SVIL: variants seen among roughly 807,000 people sequenced by gnomAD.
The protein encoded by SVIL is archvillin.
SVIL carries 101 observed loss-of-function variants against 240.4 expected under a neutral mutation model. The ratio of observed to expected loss-of-function variants is 0.42; its 90% CI spans 0.36 to 0.50. SVIL has a LOEUF of 0.50. Among genes scored for constraint, SVIL ranks in the 20% least tolerant of loss-of-function variants. The pLI is 0.01. For synonymous variants in SVIL, 999 were observed against 1,100.0 expected, an observed-to-expected ratio of 0.91 and a Z score of 1.82; for missense variants, 2,512 against 2,818.7, an observed-to-expected ratio of 0.89 and a Z score of 2.46.
chr10:29,524,392 A>G lies in SVIL; in HGVS notation c.2586+80T>C. 3 of 1,581,400 alleles carry G rather than the reference A, an allele frequency of 1.9e-6. No individual in the cohort carries two copies. The South Asian group carries it at 3.4e-5, about 18-fold the overall frequency. On this transcript the variant is annotated intron_variant, in intron 14 of 37. Coordinates refer to ENST00000355867, the MANE Select transcript of SVIL (RefSeq NM_021738.3). ...CCTGGTAGAGCACCTTAATTACATC[A>G]TTGACCTCAGAGGAATACTGCAGTG... is the stretch of plus-strand genomic sequence containing the variant.
intron 3 of SVIL, among the ~76,000 whole-genome samples, chr10:29,656,857 G>T (rs1959022338): frequency 6.6e-6 from 1 of 152,204 alleles, no homozygotes; most frequent in Non-Finnish European, 1.5e-5. Flanking sequence ...GCAGGACCCA[G>T]ATTGAACCCC....
chr10:29,545,182 T>C, intron 6 of SVIL: 1 of 496,674 alleles, frequency 2.0e-6, no homozygotes, highest in East Asian at 5.6e-5. Flanking sequence ...TAGACTAAAA[T>C]CTCTCATCAG....
chr10:29,603,035 C>A (rs1956874998), intron 1 of SVIL, among the ~76,000 whole-genome samples: 1 of 152,096 alleles, frequency 6.6e-6, no homozygotes, highest in South Asian at 2.1e-4. Flanking sequence ...TCGTTTCATG[C>A]CCAGGAAGAT....
intron 1 of SVIL, among the ~76,000 whole-genome samples, chr10:29,632,140 T>G (rs1302418371): frequency 6.6e-6 from 1 of 152,046 alleles, no homozygotes; most frequent in Non-Finnish European, 1.5e-5. Flanking sequence ...TCACCAGACA[T>G]CCTTATAAAA....
chr10:29,509,199 G>A (rs558276372), intron 17 of SVIL, among the ~76,000 whole-genome samples: 31 of 152,122 alleles, frequency 2.0e-4, no homozygotes, highest in Admixed American at 6.5e-4. Context: ...TATATGCTAC[G>A]AGACTCACAC....
chr10:29,569,191 A>T, intron 2 of SVIL, 64 bp downstream of exon 2: 1 of 785,174 alleles, frequency 1.3e-6, no homozygotes, highest in Non-Finnish European at 1.5e-6. Flanking sequence ...CATTCAAGAG[A>T]ATAATTTTAA....
chr10:29,490,692 G>A (rs372262009), intron 22 of SVIL, among the ~76,000 whole-genome samples, 155 bp downstream of exon 22: 3 of 152,042 alleles, frequency 2.0e-5, no homozygotes, highest in South Asian at 4.1e-4. Flanking sequence ...GTCTAGGTGC[G>A]TGCACATGTA....
chr10:29,467,700 C>G, intron 33 of SVIL, 42 bp downstream of exon 33: 1 of 1,611,354 alleles, frequency 6.2e-7, no homozygotes, highest in Non-Finnish European at 8.5e-7. Flanking sequence ...TTTCCAAAAA[C>G]AAACAAAAAA....
intron 1 of SVIL, among the ~76,000 whole-genome samples, chr10:29,574,368 T>C (rs1955591541): frequency 6.6e-6 from 1 of 152,074 alleles, no homozygotes; most frequent in Non-Finnish European, 1.5e-5. Flanking sequence ...CACCACACCA[T>C]GGTACATATG....
chr10:29,509,317 G>A (rs1238303470), intron 17 of SVIL, among the ~76,000 whole-genome samples: 2 of 132,028 alleles, frequency 1.5e-5, no homozygotes, highest in Non-Finnish European at 3.3e-5. Context: ...GAGAAAGGGA[G>A]AAGGAGGGGG....
Position 29,532,681 on chromosome 10 carries a change from A to G in SVIL, c.1686T>C (p.Tyr562=), listed in dbSNP as rs766580842. Residue 562 remains tyrosine (Y), a synonymous_variant, in exon 8 of 38, where the codon TAT becomes TAC. Coordinates refer to ENST00000355867, the MANE Select transcript of SVIL (RefSeq NM_021738.3). ...GCTCTCTCCTGGAAGCTGGGTCCTT[A>G]TACTTCAAGGCCTGGAGCTGAGGGG... ...TGPPQLQALK[Y]KDPASRRELE... is the part of the protein sequence containing the mutation. 11 of 1,614,080 alleles carry G rather than the reference A, an allele frequency of 6.8e-6. No homozygotes were observed. The highest frequency in any genetic ancestry group is 9.3e-6 in the Non-Finnish European group (11 of 1,180,030).
chr10:29,657,364 T>C (rs1025749542), intron 3 of SVIL, among the ~76,000 whole-genome samples: 2 of 152,152 alleles, frequency 1.3e-5, no homozygotes, highest in Non-Finnish European at 2.9e-5. Context: ...CTCACACCCA[T>C]CAAGATTCAC....
intron 12 of SVIL, among the ~76,000 whole-genome samples, chr10:29,528,926 C>T (rs1057485261): frequency 1.3e-5 from 2 of 151,590 alleles, no homozygotes; most frequent in African/African-American, 4.8e-5. Context: ...GCAATTAATC[C>T]CAGCACTTTG....
chr10:29,722,559 T>C (rs1964054743), intron 1 of SVIL, among the ~76,000 whole-genome samples: 1 of 152,188 alleles, frequency 6.6e-6, no homozygotes, highest in African/African-American at 2.4e-5. Context: ...TAGAATCCTT[T>C]CCAATTCAGC....
At chr10:29,490,210 G>C (rs1303044196) in intron 22 of SVIL, among the ~76,000 whole-genome samples, 3 of 151,944 alleles carry the variant, frequency 2.0e-5, no homozygotes, top group Non-Finnish European at 4.4e-5. Flanking sequence ...TACCAAGAAC[G>C]ATCTGAAAAG....
At chr10:29,550,357 G>C (rs1360392716) in intron 6 of SVIL, among the ~76,000 whole-genome samples, 1 of 151,710 alleles carries the variant, frequency 6.6e-6, no homozygotes, top group Non-Finnish European at 1.5e-5. Flanking sequence ...CAGGAGGATT[G>C]CTTGAGCCCA....
intron 2 of SVIL, among the ~76,000 whole-genome samples, chr10:29,684,883 A>G (rs575238033): frequency 6.6e-6 from 1 of 152,272 alleles, no homozygotes; most frequent in Non-Finnish European, 1.5e-5. Flanking sequence ...GGAATTTGGT[A>G]TCTTACTGTT....
intron 16 of SVIL, among the ~76,000 whole-genome samples, chr10:29,521,995 T>G (rs1486846681): frequency 6.6e-6 from 1 of 152,214 alleles, no homozygotes. Flanking sequence ...CTACACATAT[T>G]TTACACAAAG....
intron 33 of SVIL, among the ~76,000 whole-genome samples, chr10:29,466,704 CTT>C (rs910687672): frequency 1.3e-5 from 2 of 151,914 alleles, no homozygotes; most frequent in Admixed American, 1.3e-4. Flanking sequence ...ATTTTAATAA[CTT>C]GGGAAATTAT....
Sources: gnomAD v4.1 joint callset for allele counts (sites outside exome capture counted in the v4.1 genomes callset) on GRCh38, gnomAD v4.1.1 for gene constraint, MANE v1.5 for transcripts, NCBI Gene and HGNC (gene_info 2026-07-23, HGNC 2026-07-21) for gene names.